The following PLS1 variants were observed in gnomAD, a reference collection of about 807,000 sequenced individuals.
PLS1 encodes the protein plastin 1.
In PLS1, 32 loss-of-function variants were observed where a neutral mutation model predicts 73.7. The observed-to-expected ratio is 0.43, with a 90% CI of 0.33 to 0.58. The LOEUF is 0.58. Among genes scored for constraint, PLS1 ranks in the 20% least tolerant of loss-of-function variants. The pLI, the probability that PLS1 is intolerant of heterozygous loss-of-function variation, is 0.04. For missense variants in PLS1, 633 were observed against 740.5 expected (o/e 0.85, Z 1.68); for synonymous variants, 217 against 261.3 (o/e 0.83, Z 1.63).
At chr3:142,649,360 G>C (rs1241533044) in intron 1 of PLS1, among the ~76,000 whole-genome samples, 1 of 137,942 alleles carries the variant, frequency 7.2e-6, no homozygotes, top group Non-Finnish European at 1.6e-5. Flanking sequence ...AAAAGGCCAG[G>C]CATGGTGGCT....
chr3:142,663,531 C>T (rs958711266), intron 1 of PLS1, among the ~76,000 whole-genome samples: 3 of 152,092 alleles, frequency 2.0e-5, no homozygotes, highest in African/African-American at 7.2e-5. Flanking sequence ...GATCCTGTCT[C>T]TACAAAAAAC....
intron 1 of PLS1, chr3:142,623,266 A>G (rs1235679885): frequency 6.6e-6 from 1 of 152,186 alleles, no homozygotes. Flanking sequence ...ATGTATTTTA[A>G]GCTCCCCAGC....
chr3:142,650,395 G>T (rs929940207), intron 1 of PLS1, among the ~76,000 whole-genome samples: 1 of 151,602 alleles, frequency 6.6e-6, no homozygotes, highest in South Asian at 2.1e-4. Flanking sequence ...ATCTTTGTCT[G>T]GTTTTGGCTT....
At chr3:142,670,654 G>T (rs16852543) in intron 3 of PLS1, among the ~76,000 whole-genome samples, 23,572 of 152,148 alleles carry the variant, frequency 0.15, 2,114 homozygotes, top group Non-Finnish European at 0.2. Flanking sequence ...GTTCAGGCAG[G>T]AAAATATCTT....
rs778546433 is a variant in PLS1, at chr3:142,676,279, A to G, written c.487A>G (p.Ile163Val). ...TCTTTTCAAGTCACTTGCAGATGGC[A>G]TCCTTCTTTGGTGAGTTGAACTTCT... ...DSLFKSLADG[I>V]LLCKMINLSE... The change falls in exon 5 of 16, where the codon ATC becomes GTC. Residue 163 changes from isoleucine to valine, a missense_variant. Transcript: ENST00000457734. 6.2e-7 allele frequency: 1 copy of G among 1,612,892 alleles called. No individual in the cohort carries two copies. The highest frequency in any genetic ancestry group is 8.5e-7 in the Non-Finnish European group (1 of 1,179,606).
rs1460087731 is a variant in PLS1 at position 142,713,547 on chromosome 3, CT to C, written c.*1541del. ...ATAAGATTATTTAAATTATGTTTCC[CT>C]CTGATTTTTTTTCACCATTGTATTT... On this transcript the variant is annotated 3_prime_UTR_variant, in exon 16 of 16. Coordinates refer to ENST00000457734, the MANE Select transcript of PLS1 (RefSeq NM_001145319.2). The C allele has an allele frequency of 2.0e-5, 3 of 152,002 alleles. No individual in the cohort carries two copies. Among genetic ancestry groups the C allele is most frequent in the Non-Finnish European group, 4.4e-5 (3 of 67,886 alleles). 9.4% of individuals were successfully genotyped at this position (152,002 alleles called of 1,614,324 possible).
At chr3:142,685,364 T>C (rs1259142726) in intron 8 of PLS1, among the ~76,000 whole-genome samples, 1 of 152,258 alleles carries the variant, frequency 6.6e-6, no homozygotes, top group African/African-American at 2.4e-5. Flanking sequence ...ATTTCAGTTA[T>C]CTATTGCTAT....
chr3:142,599,826 C>A (rs190485348), intron 1 of PLS1, among the ~76,000 whole-genome samples: 1 of 152,302 alleles, frequency 6.6e-6, no homozygotes, highest in East Asian at 1.9e-4. Flanking sequence ...ACGATCACTG[C>A]TCACTGCAGC....
intron 1 of PLS1, among the ~76,000 whole-genome samples, chr3:142,621,650 T>C (rs1337760763): frequency 1.3e-5 from 2 of 152,174 alleles, no homozygotes; most frequent in East Asian, 3.9e-4. Flanking sequence ...TTGGCCTTGG[T>C]TATTTCTGAA....
In PLS1 at chr3:142,704,635, A is replaced by ATTTTTTTTTT. The variant is rs10631186; in HGVS notation, c.1629+70_1629+79dup. 1.6e-3 allele frequency: 409 copies of ATTTTTTTTTT among 261,976 alleles called. 33 individuals are homozygous for ATTTTTTTTTT. Among genetic ancestry groups the ATTTTTTTTTT allele is most frequent in the African/African-American group, 0.012 (245 of 20,658 alleles). 16.2% of individuals were successfully genotyped at this position (261,976 alleles called of 1,614,324 possible). On this transcript the variant is annotated intron_variant, in intron 14 of 15. Coordinates refer to ENST00000457734, the MANE Select transcript of PLS1 (RefSeq NM_001145319.2). ...TTTTTTTTTGTAGGTATAGGAAGGA[A>ATTTTTTTTTT]TTTTTTTTTTTTTTTTTTTTTTTTT...
intron 1 of PLS1, among the ~76,000 whole-genome samples, chr3:142,635,013 C>T (rs139164193): frequency 9.2e-5 from 14 of 151,962 alleles, no homozygotes; most frequent in Non-Finnish European, 1.8e-4. Context: ...CTCTGAACTC[C>T]TGGGCTCATG....
Position 142,703,877 on chromosome 3 carries a change from T to A in PLS1, c.1381T>A (p.Cys461Ser), listed in dbSNP as rs1404953446. 3.1e-6 allele frequency: 5 copies of A among 1,607,870 alleles called. No homozygotes were observed. ...TTTTACTTATTTATAGATTGAAAAC[T>A]GTAACTATGCAGTGGAACTTGGGAA... is the stretch of plus-strand genomic sequence containing the variant. The part of the protein sequence containing the change: ...LGGNMKKIEN[C>S]NYAVELGKNK... The change falls in exon 13 of 16, where the codon TGT (cysteine) becomes AGT (serine). Residue 461 changes from cysteine (C) to serine (S), a missense_variant. Physicochemically the swap from Cys to Ser is moderately radical, Grantham distance 112. Coordinates refer to ENST00000457734, the MANE Select transcript of PLS1 (RefSeq NM_001145319.2).
chr3:142,682,448 T>A (rs545979497), intron 6 of PLS1, among the ~76,000 whole-genome samples: 57 of 152,336 alleles, frequency 3.7e-4, no homozygotes, highest in Non-Finnish European at 7.1e-4. Context: ...TGTGGTTTTG[T>A]TTGTCATTGT....
At chr3:142,610,962 G>A (rs951104285) in intron 1 of PLS1, among the ~76,000 whole-genome samples, 3 of 152,174 alleles carry the variant, frequency 2.0e-5, no homozygotes, top group East Asian at 1.9e-4. Flanking sequence ...TCTGTAAGGG[G>A]CCAAGTAATA....
intron 6 of PLS1, among the ~76,000 whole-genome samples, chr3:142,680,056 C>G (rs1041267810): frequency 1.3e-5 from 2 of 152,108 alleles, no homozygotes; most frequent in African/African-American, 4.8e-5. Context: ...GGAGTTCACT[C>G]ATGATTTGGC....
intron 1 of PLS1, among the ~76,000 whole-genome samples, 152 bp downstream of exon 1, chr3:142,596,661 C>T (rs939984747): frequency 6.6e-6 from 1 of 152,226 alleles, no homozygotes; most frequent in African/African-American, 2.4e-5. Flanking sequence ...AGTGTGGCGC[C>T]CGCCGTCCTC....
rs1262767278 is a variant in PLS1 at position 142,645,657 on chromosome 3, C to G, written c.-36-18545C>G. The G allele has an allele frequency of 2.6e-5, 4 of 152,192 alleles. No homozygotes were observed. The East Asian group carries it at 7.7e-4, about 29-fold the overall frequency. 9.4% of individuals were successfully genotyped at this position (152,192 alleles called of 1,614,324 possible). A position where few individuals can be genotyped will look rare whatever the true frequency, so the allele number is the denominator to read the frequency against. On this transcript the variant is annotated intron_variant, in intron 1 of 15. Transcript: ENST00000457734. ...TCTCTGACAGTTCTTTAGTGTTGGT[C>G]TTGAGGCATTCATTCTGAATGAGAT...
rs538536074 is a variant in PLS1 at position 142,690,242 on chromosome 3, G to T, written c.1177+429G>T. On this transcript the variant is annotated intron_variant, in intron 10 of 15. Coordinates refer to ENST00000457734, the MANE Select transcript of PLS1 (RefSeq NM_001145319.2). ...GTGTTCGTTATTTGTCTTTTGTGTG[G>T]TCTATCGTTATCTGTCTCATAATAT... Among the ~76,000 whole-genome samples, 4 of 152,084 alleles carry T rather than the reference G, an allele frequency of 2.6e-5. No individual in the cohort carries two copies. The South Asian group carries it at 8.3e-4, about 32-fold the overall frequency.
At chr3:142,598,637 A>G (rs2035854722) in intron 1 of PLS1, among the ~76,000 whole-genome samples, 1 of 152,230 alleles carries the variant, frequency 6.6e-6, no homozygotes, top group Non-Finnish European at 1.5e-5. Flanking sequence ...AAGGAAAGAC[A>G]TGTTGAAAAT....
Sources: gnomAD v4.1 joint callset for allele counts (sites outside exome capture counted in the v4.1 genomes callset) on GRCh38, gnomAD v4.1.1 for gene constraint, MANE v1.5 for transcripts, NCBI Gene and HGNC (gene_info 2026-07-23, HGNC 2026-07-21) for gene names.